TSPAN9: variants seen among roughly 807,000 people sequenced by gnomAD.
TSPAN9 encodes tetraspanin 9.
In TSPAN9, 16 loss-of-function variants were observed where a neutral mutation model predicts 31.0. The observed-to-expected ratio is 0.52, with a 90% CI of 0.35 to 0.78. TSPAN9 has a LOEUF of 0.78. TSPAN9 is among the 30% of genes least tolerant of loss of function. TSPAN9 has a pLI of 0.01. For missense variants in TSPAN9, 272 were observed against 312.5 expected (o/e 0.87, Z 0.98); for synonymous variants, 145 against 121.6 (o/e 1.19, Z -1.27).
intron 3 of TSPAN9, among the ~76,000 whole-genome samples, chr12:3,210,952 T>C (rs11062569): frequency 0.54 from 81,341 of 151,830 alleles, 22,577 homozygotes; most frequent in Middle Eastern, 0.68. Context: ...CCCTATGTTG[T>C]CCAGGCTGGT....
intron 3 of TSPAN9, among the ~76,000 whole-genome samples, chr12:3,268,062 G>T (rs1226275053): frequency 6.6e-6 from 1 of 152,218 alleles, no homozygotes; most frequent in Non-Finnish European, 1.5e-5. Context: ...TCAGGGAAGC[G>T]AAGCCTCCAG....
chr12:3,193,731 T>A (rs1305642860), intron 2 of TSPAN9, among the ~76,000 whole-genome samples: 1 of 152,214 alleles, frequency 6.6e-6, no homozygotes, highest in Non-Finnish European at 1.5e-5. Flanking sequence ...CCCAGCCCAC[T>A]CCGAATGGGC....
chr12:3,236,655 C>T (rs1016233896), intron 3 of TSPAN9, among the ~76,000 whole-genome samples: 2 of 152,060 alleles, frequency 1.3e-5, no homozygotes, highest in African/African-American at 4.8e-5. Flanking sequence ...AAAATGGAGG[C>T]GGGGGTAGAG....
intron 3 of TSPAN9, among the ~76,000 whole-genome samples, chr12:3,214,732 A>T (rs1343902516): frequency 6.6e-6 from 1 of 151,260 alleles, no homozygotes; most frequent in Admixed American, 6.6e-5. Context: ...GGGCTGCCGT[A>T]TTAAGCACCC....
At chr12:3,099,725 T>G (rs913209787) in intron 2 of TSPAN9, among the ~76,000 whole-genome samples, 4 of 152,250 alleles carry the variant, frequency 2.6e-5, no homozygotes, top group Admixed American at 6.5e-5. Context: ...CTGTTAAGCT[T>G]TGTTGGGGTA....
intron 2 of TSPAN9, among the ~76,000 whole-genome samples, chr12:3,189,359 A>C (rs180816416): frequency 6.6e-6 from 1 of 152,208 alleles, no homozygotes; most frequent in African/African-American, 2.4e-5. Context: ...GAAGGGCCCC[A>C]GTGACAAGCT....
At chr12:3,117,422 G>C (rs2098322929) in intron 2 of TSPAN9, among the ~76,000 whole-genome samples, 1 of 152,166 alleles carries the variant, frequency 6.6e-6, no homozygotes, top group African/African-American at 2.4e-5. Context: ...GAGAGGAAGT[G>C]GTGGGACTAT....
intron 3 of TSPAN9, among the ~76,000 whole-genome samples, chr12:3,208,986 T>C (rs778053620): frequency 2.6e-5 from 4 of 152,118 alleles, no homozygotes; most frequent in South Asian, 2.1e-4. Context: ...CCTGTAATCC[T>C]AGCACTTTGG....
chr12:3,267,988 A>G (rs2153979653), intron 3 of TSPAN9, among the ~76,000 whole-genome samples: 1 of 152,280 alleles, frequency 6.6e-6, no homozygotes, highest in South Asian at 2.1e-4. Context: ...TTTGGGGAAA[A>G]GGCATGTCGA....
At chr12:3,223,329 C>T (rs2098385514) in intron 3 of TSPAN9, among the ~76,000 whole-genome samples, 2 of 152,210 alleles carry the variant, frequency 1.3e-5, no homozygotes, top group Non-Finnish European at 2.9e-5. Context: ...AGGCCTCCTC[C>T]AGCATGGCCA....
rs184160140 is a variant in TSPAN9, at chr12:3,249,641, C to T, written c.64-28780C>T. On this transcript the variant is annotated intron_variant, in intron 3 of 8. Transcript: ENST00000011898. ...ATGGACTGTGGTTAGGGCTGCTCTC[C>T]GAGCACCTCCATATAGCAGGTGCTG... 1.8e-4 allele frequency among the ~76,000 whole-genome samples: 28 copies of T among 152,304 alleles called. No individual in the cohort carries two copies. In the East Asian group the frequency reaches 4.3e-3, roughly 23 times the overall value.
intron 2 of TSPAN9, among the ~76,000 whole-genome samples, chr12:3,126,411 T>G (rs2098327390): frequency 6.6e-6 from 1 of 152,234 alleles, no homozygotes; most frequent in Non-Finnish European, 1.5e-5. Context: ...GCTTCTGTGC[T>G]GAATACTGTA....
Position 3,227,017 on chromosome 12 carries a change from A to T in TSPAN9, c.63+25761A>T, listed in dbSNP as rs565504420. On this transcript the variant is annotated intron_variant, in intron 3 of 8. Transcript: ENST00000011898. ...GGTTAGTGAGATACTGAGTGCAGAG[A>T]GGGAGACCTGACACTTACCTGCATG... Among the ~76,000 whole-genome samples, 4 of 150,738 alleles carry T rather than the reference A, an allele frequency of 2.7e-5. No individual in the cohort carries two copies. In the East Asian group the frequency reaches 7.9e-4, roughly 30 times the overall value.
chr12:3,135,494 CCTT>C (rs1211530593), intron 2 of TSPAN9, among the ~76,000 whole-genome samples: 1 of 152,200 alleles, frequency 6.6e-6, no homozygotes. Flanking sequence ...CACGTTTTCT[CCTT>C]CTTACACCCT....
At chr12:3,121,420 T>G (rs1049721103) in intron 2 of TSPAN9, among the ~76,000 whole-genome samples, 7 of 145,528 alleles carry the variant, frequency 4.8e-5, no homozygotes, top group Non-Finnish European at 8.9e-5. Context: ...AGTGCAGTGG[T>G]GTGATCACAG....
At chr12:3,174,829 G>A (rs187046892) in intron 2 of TSPAN9, among the ~76,000 whole-genome samples, 1,542 of 151,158 alleles carry the variant, frequency 0.01, 27 homozygotes, top group African/African-American at 0.035. Context: ...TGATCCTCCC[G>A]CCTCGGCCTC....
In TSPAN9 at chr12:3,285,993, T is replaced by A. The variant is rs1410540810; in HGVS notation, c.*2877T>A. 1 of 152,440 alleles carries A rather than the reference T, an allele frequency of 6.6e-6. No homozygotes were observed. The highest frequency in any genetic ancestry group is 2.4e-5 in the African/African-American group (1 of 41,422). The allele number at this position is 152,440 out of a possible 1,614,324, so 9.4% of individuals were successfully genotyped here. On this transcript the variant is annotated 3_prime_UTR_variant, in exon 9 of 9. Coordinates refer to ENST00000011898, the MANE Select transcript of TSPAN9 (RefSeq NM_006675.5). ...TCCAGCATGGGCCTGTGTCTCAGGC[T>A]CTCTGGAAGGTGGCCCTGCCCCGGA... is the stretch of plus-strand genomic sequence containing the variant.
At chr12:3,268,707 TGC>T (rs1862596526) in intron 3 of TSPAN9, among the ~76,000 whole-genome samples, 5 of 107,408 alleles carry the variant, frequency 4.7e-5, no homozygotes, top group Admixed American at 8.7e-5. Context: ...CTGCCCTCCG[TGC>T]GTTCCTGCAG....
intron 3 of TSPAN9, among the ~76,000 whole-genome samples, chr12:3,241,297 C>T (rs1340450748): frequency 1.3e-5 from 2 of 152,082 alleles, no homozygotes; most frequent in South Asian, 2.1e-4. Flanking sequence ...GTTTGGGGAA[C>T]GATTAAATGA....
Sources: gnomAD v4.1 joint callset for allele counts (sites outside exome capture counted in the v4.1 genomes callset) on GRCh38, gnomAD v4.1.1 for gene constraint, MANE v1.5 for transcripts, NCBI Gene and HGNC (gene_info 2026-07-23, HGNC 2026-07-21) for gene names.